Variants in RAD51B observed in about 807,000 individuals in gnomAD.
The protein encoded by RAD51B is RAD51 paralog B, also known as DNA repair protein RAD51 homolog 2.
A neutral mutation model predicts 42.2 loss-of-function variants in RAD51B; 38 were observed. That is an observed-to-expected ratio of 0.90 (90% CI 0.70 to 1.18). RAD51B has a LOEUF of 1.18. Ranked by LOEUF, RAD51B falls within the 50% of genes most tolerant of loss-of-function variation. The pLI, the probability that RAD51B is intolerant of heterozygous loss-of-function variation, is 0.00. For missense variants in RAD51B, 373 were observed against 400.7 expected, an observed-to-expected ratio of 0.93 and a Z score of 0.59; for synonymous variants, 154 against 145.2, an observed-to-expected ratio of 1.06 and a Z score of -0.43.
intron 11 of RAD51B, among the ~76,000 whole-genome samples, chr14:68,651,989 G>A (rs980600701): frequency 2.6e-5 from 4 of 152,226 alleles, no homozygotes; most frequent in Admixed American, 1.3e-4. Flanking sequence ...TCTGGGAATG[G>A]GGGCATGAGT....
At chr14:68,121,740 G>C (rs2077655449) in intron 7 of RAD51B, among the ~76,000 whole-genome samples, 1 of 152,076 alleles carries the variant, frequency 6.6e-6, no homozygotes, top group South Asian at 2.1e-4. Context: ...GAAAAACCAA[G>C]TGATTCAACT....
At chr14:68,466,987 TTATA>T (rs2086002901) in intron 9 of RAD51B, among the ~76,000 whole-genome samples, 1 of 152,196 alleles carries the variant, frequency 6.6e-6, no homozygotes, top group South Asian at 2.1e-4. Context: ...GGCCAAGATA[TTATA>T]TATAAGCCTT....
chr14:68,611,078 C>T (rs1440764606), exon 11 of RAD51B: 1 of 703,092 alleles, frequency 1.4e-6, no homozygotes, highest in African/African-American at 1.7e-5. Context: ...CCCAGCCCTA[C>T]CTTCCTGATA....
intron 10 of RAD51B, among the ~76,000 whole-genome samples, chr14:68,545,918 G>A (rs1888209756): frequency 2.0e-5 from 3 of 152,078 alleles, no homozygotes; most frequent in Admixed American, 2.0e-4. Flanking sequence ...TTCTACAAGG[G>A]GTGGCACAGA....
chr14:68,036,270 G>T (rs1444288921), intron 7 of RAD51B, among the ~76,000 whole-genome samples: 4 of 152,206 alleles, frequency 2.6e-5, no homozygotes, highest in African/African-American at 9.6e-5. Flanking sequence ...GTTACAAAAT[G>T]AAGCAGTGGT....
intron 10 of RAD51B, among the ~76,000 whole-genome samples, chr14:68,601,129 GC>G (rs1246108486): frequency 6.6e-6 from 1 of 152,078 alleles, no homozygotes. Flanking sequence ...TGATCCCCAA[GC>G]CCCACACCTG....
At chr14:68,361,772 T>C (rs1594726539) in intron 8 of RAD51B, among the ~76,000 whole-genome samples, 1 of 152,264 alleles carries the variant, frequency 6.6e-6, no homozygotes, top group Middle Eastern at 3.4e-3. Context: ...ATGTCCCAGG[T>C]TCGAGAGATT....
chr14:68,529,414 T>A (rs1594945435), intron 10 of RAD51B, among the ~76,000 whole-genome samples: 1 of 152,226 alleles, frequency 6.6e-6, no homozygotes, highest in Non-Finnish European at 1.5e-5. Flanking sequence ...GCCAGGCTGG[T>A]CTTGAACTCT....
At chr14:68,074,729 G>A (rs35354437) in intron 7 of RAD51B, among the ~76,000 whole-genome samples, 25,173 of 152,184 alleles carry the variant, frequency 0.17, 2,703 homozygotes, top group Non-Finnish European at 0.25. Context: ...TTAGAGGGCC[G>A]AGGCTTTGTG....
chr14:68,644,308 G>T lies in RAD51B; in HGVS notation c.1037-6473G>T, dbSNP rs897158644. ...GGGCCATGGTGTCTGCCCCCTTTCT[G>T]GTGCCCAGGCAGTGGCCCCTGACTC... is the stretch of plus-strand genomic sequence containing the variant. On this transcript the variant is annotated intron_variant, in intron 10 of 11. Transcript: ENST00000488612. Among the ~76,000 whole-genome samples, 5 of 152,092 alleles carry T rather than the reference G, an allele frequency of 3.3e-5. No homozygotes were observed. The South Asian group carries it at 6.2e-4, about 19-fold the overall frequency.
chr14:68,569,240 A>G (rs573832991), intron 10 of RAD51B, among the ~76,000 whole-genome samples: 1 of 152,288 alleles, frequency 6.6e-6, no homozygotes, highest in South Asian at 2.1e-4. Context: ...TGTCACCCAA[A>G]TTGTTTAGGA....
At chr14:68,328,428 A>G (rs1441671653) in intron 8 of RAD51B, among the ~76,000 whole-genome samples, 1 of 152,178 alleles carries the variant, frequency 6.6e-6, no homozygotes, top group Non-Finnish European at 1.5e-5. Context: ...AAAGCTAGCC[A>G]GTGGATTTGT....
At chr14:68,305,199 C>T (rs1216406932) in intron 8 of RAD51B, among the ~76,000 whole-genome samples, 2 of 152,158 alleles carry the variant, frequency 1.3e-5, no homozygotes, top group Non-Finnish European at 2.9e-5. Context: ...TCTTTACTGT[C>T]CCAAGTAGAG....
chr14:68,099,728 A>C (rs2077256799), intron 7 of RAD51B, among the ~76,000 whole-genome samples: 1 of 152,228 alleles, frequency 6.6e-6, no homozygotes, highest in African/African-American at 2.4e-5. Flanking sequence ...GTGGAATGAC[A>C]ACCCAACCAA....
At chr14:67,845,696 A>G (rs936830104) in intron 4 of RAD51B, among the ~76,000 whole-genome samples, 8 of 152,070 alleles carry the variant, frequency 5.3e-5, no homozygotes, top group African/African-American at 1.7e-4. Context: ...AAACACACAC[A>G]CGAAATTCAT....
chr14:68,151,525 G>C (rs904846528), intron 7 of RAD51B, among the ~76,000 whole-genome samples: 1 of 151,572 alleles, frequency 6.6e-6, no homozygotes, highest in African/African-American at 2.4e-5. Flanking sequence ...TCATCTTTGG[G>C]GTCTCTTACT....
chr14:67,946,893 A>C (rs2045414480), intron 7 of RAD51B, among the ~76,000 whole-genome samples: 1 of 152,204 alleles, frequency 6.6e-6, no homozygotes. Context: ...TTTCTGATTA[A>C]GTTGTTAACT....
intron 7 of RAD51B, among the ~76,000 whole-genome samples, chr14:68,086,618 C>G (rs2076989772): frequency 1.3e-5 from 2 of 151,980 alleles, no homozygotes; most frequent in Admixed American, 1.3e-4. Context: ...GATAAGGAGT[C>G]AAGGATAGAG....
At chr14:68,314,796 G>A (rs911197245) in intron 8 of RAD51B, among the ~76,000 whole-genome samples, 3 of 152,102 alleles carry the variant, frequency 2.0e-5, no homozygotes, top group Admixed American at 2.0e-4. Flanking sequence ...TAGAGCGTGC[G>A]ACCAATTTAA....
Sources: allele counts gnomAD v4.1 joint callset (sites outside exome capture counted in the v4.1 genomes callset), GRCh38; gene constraint gnomAD v4.1.1; transcripts MANE v1.5; gene names NCBI Gene and HGNC (gene_info 2026-07-23, HGNC 2026-07-21).